Variants in NTM observed in about 807,000 individuals in gnomAD.
NTM encodes IgLON family member 2.
A neutral mutation model predicts 42.1 loss-of-function variants in NTM; 13 were observed. The observed-to-expected ratio is 0.31, with a 90% confidence interval of 0.20 to 0.49. NTM has a LOEUF of 0.49. NTM is among the 20% of genes least tolerant of loss of function. The pLI is 0.99. For synonymous variants in NTM, 187 were observed against 179.2 expected, an observed-to-expected ratio of 1.04 and a Z score of -0.35; for missense variants, 373 against 452.8, an observed-to-expected ratio of 0.82 and a Z score of 1.60.
intron 2 of NTM, among the ~76,000 whole-genome samples, chr11:132,074,788 C>A (rs1042994161): frequency 6.6e-6 from 1 of 152,046 alleles, no homozygotes; most frequent in Non-Finnish European, 1.5e-5. Flanking sequence ...GTGTTGTATA[C>A]CACTGTAGGA....
chr11:132,266,415 A>C (rs1028002545), intron 4 of NTM, among the ~76,000 whole-genome samples: 4 of 152,208 alleles, frequency 2.6e-5, no homozygotes, highest in African/African-American at 7.2e-5. Flanking sequence ...ACCTCAGAGC[A>C]GTGTGAGCCC....
chr11:132,249,362 C>T (rs1591527034), intron 4 of NTM, among the ~76,000 whole-genome samples: 1 of 152,212 alleles, frequency 6.6e-6, no homozygotes, highest in East Asian at 1.9e-4. Context: ...ATTAAGCAGC[C>T]CTCCTGTCAG....
At chr11:132,131,848 C>T (rs2066883402) in intron 2 of NTM, among the ~76,000 whole-genome samples, 1 of 152,040 alleles carries the variant, frequency 6.6e-6, no homozygotes, top group Admixed American at 6.6e-5. Flanking sequence ...GCTCCCACTG[C>T]CTGGTGTTCA....
intron 1 of NTM, chr11:131,536,745 C>A (rs531361233): frequency 3.9e-5 from 6 of 152,272 alleles, no homozygotes; most frequent in African/African-American, 1.2e-4. Flanking sequence ...AATAGTGAGA[C>A]AGAGGCACAC....
intron 1 of NTM, among the ~76,000 whole-genome samples, chr11:131,495,672 G>A (rs1955265539): frequency 6.6e-6 from 1 of 152,222 alleles, no homozygotes; most frequent in Non-Finnish European, 1.5e-5. Flanking sequence ...GGGTTGAGCA[G>A]GGTGTGGGTT....
intron 1 of NTM, among the ~76,000 whole-genome samples, chr11:131,699,848 T>C (rs1226328737): frequency 6.6e-6 from 1 of 151,608 alleles, no homozygotes; most frequent in Non-Finnish European, 1.5e-5. Context: ...TTATAGGAAC[T>C]ACAATTCAAG....
chr11:131,793,085 G>A (rs2136162571), intron 1 of NTM, among the ~76,000 whole-genome samples: 1 of 152,264 alleles, frequency 6.6e-6, no homozygotes, highest in South Asian at 2.1e-4. Flanking sequence ...ACTTAGAAGG[G>A]CTTTTTAGTA....
In NTM at chr11:132,333,674, T is replaced by A. The variant is rs541616582; in HGVS notation, c.968-1372T>A. On this transcript the variant is annotated intron_variant, in intron 8 of 8. Transcript: ENST00000683400. ...TCCCCTGGGCTTCTCAGCATGGGGA[T>A]CTGCACCTCTGAGAAGTTCCGGCCT... Among the ~76,000 whole-genome samples the A allele has an allele frequency of 2.0e-5, 3 of 152,206 alleles. No individual in the cohort carries two copies. The South Asian group carries it at 6.2e-4, about 32-fold the overall frequency.
At chr11:132,308,384 C>T (rs761466022) in intron 5 of NTM, among the ~76,000 whole-genome samples, 5 of 152,128 alleles carry the variant, frequency 3.3e-5, no homozygotes, top group Non-Finnish European at 4.4e-5. Flanking sequence ...AATAGAGATA[C>T]AGAATCCAAA....
chr11:131,841,913 G>A (rs1258983461), intron 1 of NTM, among the ~76,000 whole-genome samples: 1 of 152,218 alleles, frequency 6.6e-6, no homozygotes, highest in Non-Finnish European at 1.5e-5. Flanking sequence ...CACAAAGCAG[G>A]AAGAAAGTGG....
intron 1 of NTM, among the ~76,000 whole-genome samples, chr11:131,472,821 C>A (rs1229478391): frequency 6.6e-6 from 1 of 152,214 alleles, no homozygotes; most frequent in East Asian, 1.9e-4. Context: ...GGTAGACATT[C>A]AATCCAGCCT....
At chr11:131,676,986 C>T (rs2071535053) in intron 1 of NTM, among the ~76,000 whole-genome samples, 1 of 144,454 alleles carries the variant, frequency 6.9e-6, no homozygotes, top group South Asian at 2.3e-4. Flanking sequence ...CTTTGTCTTT[C>T]CTGACACTGA....
intron 1 of NTM, among the ~76,000 whole-genome samples, chr11:131,483,134 G>C (rs1024910992): frequency 1.3e-5 from 2 of 152,204 alleles, no homozygotes; most frequent in Non-Finnish European, 2.9e-5. Context: ...GATGACATGA[G>C]TTTCCACATT....
At chr11:131,990,389 C>A (rs2066810313) in intron 2 of NTM, among the ~76,000 whole-genome samples, 1 of 152,086 alleles carries the variant, frequency 6.6e-6, no homozygotes. Flanking sequence ...TTAAATATTT[C>A]ATATTCTTTT....
intron 1 of NTM, among the ~76,000 whole-genome samples, chr11:131,700,693 G>T (rs2075985265): frequency 6.6e-6 from 1 of 152,240 alleles, no homozygotes; most frequent in African/African-American, 2.4e-5. Context: ...CTCAGTGTGT[G>T]CAGAACTGAT....
intron 1 of NTM, among the ~76,000 whole-genome samples, chr11:131,755,423 A>G (rs1278464166): frequency 6.6e-6 from 1 of 152,190 alleles, no homozygotes; most frequent in African/African-American, 2.4e-5. Context: ...GCTTGGGCTC[A>G]AGACATTAAG....
chr11:131,559,900 A>G (rs1023063258), intron 1 of NTM, among the ~76,000 whole-genome samples: 1 of 152,196 alleles, frequency 6.6e-6, no homozygotes, highest in African/African-American at 2.4e-5. Context: ...CCTAACTGCA[A>G]AGGTGGGTGG....
In NTM at chr11:131,553,633, C is replaced by T. The variant is rs113832187; in HGVS notation, c.82+182745C>T. Among the ~76,000 whole-genome samples, 385 of 152,280 alleles carry T rather than the reference C, an allele frequency of 2.5e-3. 2 individuals are homozygous for T. Among genetic ancestry groups the T allele is most frequent in the Non-Finnish European group, 4.7e-3 (318 of 68,010 alleles). ...CACCCTTCACGCCCACTACCAAAAC[C>T]TTAGAACTGTGTAATCTTTAACCTA... On this transcript the variant is annotated intron_variant, in intron 1 of 8. Transcript: ENST00000683400.
At chr11:132,265,730 G>A (rs898595418) in intron 4 of NTM, among the ~76,000 whole-genome samples, 1 of 152,194 alleles carries the variant, frequency 6.6e-6, no homozygotes, top group Non-Finnish European at 1.5e-5. Flanking sequence ...CAGTCGTTGT[G>A]CATCAGGCAC....
Sources: allele counts gnomAD v4.1 joint callset (sites outside exome capture counted in the v4.1 genomes callset), GRCh38; gene constraint gnomAD v4.1.1; transcripts MANE v1.5; gene names NCBI Gene and HGNC (gene_info 2026-07-23, HGNC 2026-07-21).